The following ZSCAN30 variants were observed in gnomAD, a reference collection of about 807,000 sequenced individuals.
ZSCAN30 encodes the protein zinc finger and SCAN domain containing 30, also known as zinc finger and SCAN domain-containing protein 30.
A neutral mutation model predicts 44.3 loss-of-function variants in ZSCAN30; 37 were observed. That is an observed-to-expected ratio of 0.84 (90% CI 0.64 to 1.10). The LOEUF is 1.10. Ranked by LOEUF, ZSCAN30 falls within the 50% of genes least tolerant of loss-of-function variation. ZSCAN30 has a pLI of 0.00. For missense variants in ZSCAN30, 549 were observed against 582.6 expected, an observed-to-expected ratio of 0.94 and a Z score of 0.59; for synonymous variants, 181 against 204.6, an observed-to-expected ratio of 0.88 and a Z score of 0.98.
At chr18:35,277,528 T>TTATAAGGGGC in intron 1 of ZSCAN30, among the ~76,000 whole-genome samples, 1 of 152,292 alleles carries the variant, frequency 6.6e-6, no homozygotes, top group Middle Eastern at 3.4e-3. Context: ...TTTGATGGTT[T>TTATAAGGGGC]TATAAGGGGC....
rs761745488 is a variant in ZSCAN30, at chr18:35,263,669, C to G, written c.409-12G>C. On this transcript the variant is annotated splice_polypyrimidine_tract_variant and intron_variant, in intron 2 of 3. Transcript: ENST00000333206. ...CCATGAGTTGTGTCCTAGGAGTAAT[C>G]AAGTACCAGCACTATCATTCTGAGG... The G allele has an allele frequency of 1.2e-6, 2 of 1,613,890 alleles. No individual in the cohort carries two copies. The highest frequency in any genetic ancestry group is 3.3e-5 in the Admixed American group (2 of 60,010).
chr18:35,282,926 A>C (rs2044485568), intron 1 of ZSCAN30: 1 of 152,218 alleles, frequency 6.6e-6, no homozygotes, highest in South Asian at 2.1e-4. Context: ...CAGCATTATA[A>C]GAGTGCCTAA....
intron 1 of ZSCAN30, chr18:35,283,949 G>C (rs1030892906): frequency 2.0e-5 from 3 of 152,368 alleles, no homozygotes; most frequent in Non-Finnish European, 2.9e-5. Flanking sequence ...AAAGTGAAGA[G>C]GAGCTTTACT....
chr18:35,254,937 T>C (rs2043745673), intron 3 of ZSCAN30: 1 of 156,412 alleles, frequency 6.4e-6, no homozygotes. Context: ...TAAATAATTA[T>C]AAGCAAATAG....
At chr18:35,272,166 C>G (rs1028861117) in intron 1 of ZSCAN30, among the ~76,000 whole-genome samples, 4 of 152,146 alleles carry the variant, frequency 2.6e-5, no homozygotes, top group Non-Finnish European at 5.9e-5. Flanking sequence ...GCTGCTAGCC[C>G]GTTGTCACCT....
chr18:35,261,468 A>T (rs2044028539), intron 3 of ZSCAN30: 1 of 152,204 alleles, frequency 6.6e-6, no homozygotes, highest in Non-Finnish European at 1.5e-5. Context: ...CATGATATTA[A>T]TTCTTCCTAT....
intron 3 of ZSCAN30, chr18:35,257,914 T>G: frequency 1.3e-6 from 1 of 781,044 alleles, no homozygotes; most frequent in Non-Finnish European, 2.4e-6. Context: ...CCTGCTTCTC[T>G]CTCTCCATTA....
chr18:35,260,579 T>C (rs1213907947), intron 3 of ZSCAN30: 3 of 152,242 alleles, frequency 2.0e-5, no homozygotes, highest in Admixed American at 2.0e-4. Flanking sequence ...TTGTTTCTCA[T>C]TGTGGTCTTG....
chr18:35,257,820 C>G, intron 3 of ZSCAN30: 1 of 771,448 alleles, frequency 1.3e-6, no homozygotes, highest in Non-Finnish European at 2.4e-6. Flanking sequence ...TATGCTTCAG[C>G]GGCCCATGAA....
chr18:35,276,967 G>A (rs1480959589), intron 1 of ZSCAN30, among the ~76,000 whole-genome samples: 1 of 152,228 alleles, frequency 6.6e-6, no homozygotes, highest in African/African-American at 2.4e-5. Context: ...AGCCACAGGG[G>A]CAGAGCTGCC....
chr18:35,260,965 T>A (rs2044013442), intron 3 of ZSCAN30: 1 of 152,212 alleles, frequency 6.6e-6, no homozygotes, highest in African/African-American at 2.4e-5. Flanking sequence ...ATTTTTTTAC[T>A]AGGGATTTTA....
chr18:35,271,492 A>C (rs1162591871), intron 1 of ZSCAN30, among the ~76,000 whole-genome samples: 1 of 152,254 alleles, frequency 6.6e-6, no homozygotes, highest in African/African-American at 2.4e-5. Flanking sequence ...ACAAACCTTG[A>C]ACTAGACACA....
rs1488769129 is a variant in ZSCAN30, at chr18:35,264,285, T to C, written c.68A>G (p.Lys23Arg). 1.2e-6 allele frequency: 2 copies of C among 1,614,076 alleles called. No individual in the cohort carries two copies. The highest frequency in any genetic ancestry group is 2.7e-5 in the African/African-American group (2 of 74,944). The change falls in exon 2 of 4, where the codon AAG becomes AGG. Residue 23 changes from lysine to arginine, a missense_variant. Physicochemically the swap from Lys to Arg is conservative, Grantham distance 26. Coordinates refer to ENST00000333206, the MANE Select transcript of ZSCAN30 (RefSeq NM_001112734.4). ...PEEQEGLLVV[K>R]VEEENYVLDQ... is the part of the protein sequence containing the mutation. Reference sequence around the variant, plus strand: ...CAAAACATAATTTTCTTCTTCAACCTTGACAACTAGAAGTCCTTCCTGTTC... The same window carrying C: ...CAAAACATAATTTTCTTCTTCAACCCTGACAACTAGAAGTCCTTCCTGTTC...
intron 3 of ZSCAN30, chr18:35,258,235 T>C (rs2043906488): frequency 2.0e-6 from 1 of 491,786 alleles, no homozygotes; most frequent in Admixed American, 3.5e-5. Context: ...GTCAAGGCCA[T>C]TCATGGCCAT....
At chr18:35,284,203 C>G (rs556357889) in intron 1 of ZSCAN30, 2 of 153,052 alleles carry the variant, frequency 1.3e-5, no homozygotes, top group East Asian at 3.8e-4. Context: ...CTGGCTGAGT[C>G]CAGGGAATTT....
intron 3 of ZSCAN30, chr18:35,257,321 A>C (rs1211871948): frequency 2.0e-5 from 3 of 152,682 alleles, no homozygotes; most frequent in Non-Finnish European, 2.9e-5. Flanking sequence ...TCCCTCAGCC[A>C]CTGTGAATGT....
At position 35,253,429 on chromosome 18, in the gene ZSCAN30, G is replaced by A; in HGVS notation, c.*21C>T. The A allele has an allele frequency of 6.5e-7, 1 of 1,534,168 alleles. No homozygotes were observed. Among genetic ancestry groups the A allele is most frequent in the Non-Finnish European group, 8.8e-7 (1 of 1,140,254 alleles). On this transcript the variant is annotated 3_prime_UTR_variant, in exon 4 of 4. Coordinates refer to ENST00000333206, the MANE Select transcript of ZSCAN30 (RefSeq NM_001112734.4). ...AGTGAACTCCTTGCATTTCACAATT[G>A]TACAACTCTTACCCACAGAGTTAAA...
intron 1 of ZSCAN30, among the ~76,000 whole-genome samples, chr18:35,280,284 A>C (rs1416213287): frequency 2.0e-5 from 3 of 151,958 alleles, no homozygotes; most frequent in Non-Finnish European, 4.4e-5. Context: ...TCAAAAAAAA[A>C]AAAAAAATAG....
chr18:35,251,127 T>G lies in ZSCAN30; in HGVS notation c.*2323A>C, dbSNP rs914205822. 6.6e-6 allele frequency: 1 copy of G among 152,226 alleles called. No individual in the cohort carries two copies. Among genetic ancestry groups the G allele is most frequent in the African/African-American group, 2.4e-5 (1 of 41,446 alleles). 9.4% of individuals were successfully genotyped at this position (152,226 alleles called of 1,614,324 possible). On this transcript the variant is annotated 3_prime_UTR_variant, in exon 4 of 4. Coordinates refer to ENST00000333206, the MANE Select transcript of ZSCAN30 (RefSeq NM_001112734.4). The stretch of plus-strand genomic sequence containing the variant: ...ATTCTAATAATAAACGGTTGAAGTA[T>G]AAATTTTGAAATTAGTTACCAAAAA...
Sources: gnomAD v4.1 joint callset for allele counts (sites outside exome capture counted in the v4.1 genomes callset) on GRCh38, gnomAD v4.1.1 for gene constraint, MANE v1.5 for transcripts, NCBI Gene and HGNC (gene_info 2026-07-23, HGNC 2026-07-21) for gene names.